The following MAP2K1 variants were observed in gnomAD, a reference collection of about 807,000 sequenced individuals.
The protein encoded by MAP2K1 is mitogen-activated protein kinase kinase 1, also known as dual specificity mitogen-activated protein kinase kinase 1.
MAP2K1 carries 16 observed loss-of-function variants against 46.3 expected under a neutral mutation model. That is an observed-to-expected ratio of 0.35 (90% confidence interval 0.23 to 0.52). The LOEUF is 0.52. Ranked by LOEUF, MAP2K1 falls within the 20% of genes least tolerant of loss-of-function variation. MAP2K1 has a pLI of 0.94. For missense variants in MAP2K1, 263 were observed against 497.1 expected, an observed-to-expected ratio of 0.53 and a Z score of 4.48; for synonymous variants, 183 against 185.6, an observed-to-expected ratio of 0.99 and a Z score of 0.11.
chr15:66,412,837 C>T (rs12594078), intron 1 of MAP2K1, among the ~76,000 whole-genome samples: 44,949 of 151,734 alleles, frequency 0.3, 7,001 homozygotes, highest in South Asian at 0.37. Flanking sequence ...GGACTACAGG[C>T]GCATGCCACT....
chr15:66,430,102 G>A (rs2093471512), intron 1 of MAP2K1, among the ~76,000 whole-genome samples: 1 of 152,268 alleles, frequency 6.6e-6, no homozygotes, highest in Admixed American at 6.5e-5. Context: ...TGGGTAAATA[G>A]GGGTAGAAGG....
At chr15:66,409,446 T>C (rs938413314) in intron 1 of MAP2K1, among the ~76,000 whole-genome samples, 4 of 152,136 alleles carry the variant, frequency 2.6e-5, no homozygotes, top group Non-Finnish European at 4.4e-5. Context: ...TGCATACTTA[T>C]CCCTAGCAAA....
chr15:66,432,000 C>G (rs1375764097), intron 1 of MAP2K1, among the ~76,000 whole-genome samples: 1 of 152,132 alleles, frequency 6.6e-6, no homozygotes, highest in Non-Finnish European at 1.5e-5. Flanking sequence ...CCAGCTCCAC[C>G]CATGTTCCCG....
chr15:66,420,984 CACAT>C lies in MAP2K1; in HGVS notation c.81-14033_81-14030del, dbSNP rs201939083. On this transcript the variant is annotated intron_variant, in intron 1 of 10. Coordinates refer to ENST00000307102, the MANE Select transcript of MAP2K1 (RefSeq NM_002755.4). The stretch of plus-strand genomic sequence containing the variant: ...ATATATACACACACATACATACACA[CACAT>C]ACATACATATATACACGTGCATATA... Among the ~76,000 whole-genome samples, 515 of 130,412 alleles carry C rather than the reference CACAT, an allele frequency of 3.9e-3. 4 individuals are homozygous for C. Among genetic ancestry groups the C allele is most frequent in the African/African-American group, 0.014 (489 of 35,238 alleles). The allele number at this position is 130,412 out of a possible 152,430, so 85.6% of individuals were successfully genotyped here.
At position 66,436,845 on chromosome 15, in the gene MAP2K1, G is replaced by A. The variant is rs2140584096; in HGVS notation, c.391G>A (p.Gly131Ser). ...CTCTCCGTACATCGTGGGCTTCTAT[G>A]GTGCGTTCTACAGCGATGGCGAGAT... Reference protein sequence around the residue: ...CNSPYIVGFYGAFYSDGEISI... With the variant: ...CNSPYIVGFYSAFYSDGEISI... The change falls in exon 3 of 11, where the codon GGT (glycine) becomes AGT (serine). Residue 131 changes from glycine to serine, a missense_variant. Physicochemically the swap from Gly to Ser is moderately conservative, Grantham distance 56. This residue lies in a region of MAP2K1 where 103 missense variants were observed against 221.6 expected (regional missense o/e 0.46). Coordinates refer to ENST00000307102, the MANE Select transcript of MAP2K1 (RefSeq NM_002755.4). 6.2e-7 allele frequency: 1 copy of A among 1,614,174 alleles called. No individual in the cohort carries two copies. Among genetic ancestry groups the A allele is most frequent in the Non-Finnish European group, 8.5e-7 (1 of 1,180,020 alleles).
At position 66,489,473 on chromosome 15, in the gene MAP2K1, T is replaced by TA; in HGVS notation, c.1022+197_1022+198insA. 4.5e-6 allele frequency: 3 copies of TA among 671,964 alleles called. No homozygotes were observed. In the Admixed American group the frequency reaches 7.1e-5, roughly 16 times the overall value. The allele number at this position is 671,964 out of a possible 1,614,324, so 41.6% of individuals were successfully genotyped here. Reference sequence around the variant, plus strand: ...GTGGCATGTCTAACTACATCATGGATGTAGTAGCTGCTCCTTTTGGTACTT... The same window carrying TA: ...GTGGCATGTCTAACTACATCATGGATAGTAGTAGCTGCTCCTTTTGGTACTT... On this transcript the variant is annotated intron_variant, in intron 9 of 10. Transcript: ENST00000307102.
chr15:66,422,680 C>T (rs2093446501), intron 1 of MAP2K1, among the ~76,000 whole-genome samples: 1 of 152,084 alleles, frequency 6.6e-6, no homozygotes, highest in African/African-American at 2.4e-5. Context: ...AGCAGTTTGA[C>T]TATGATGTGT....
At chr15:66,484,088 TAG>T (rs1892979133) in intron 6 of MAP2K1, among the ~76,000 whole-genome samples, 1 of 151,406 alleles carries the variant, frequency 6.6e-6, no homozygotes, top group African/African-American at 2.4e-5. Flanking sequence ...TAATCCTAAG[TAG>T]AGTTTTCTTA....
intron 4 of MAP2K1, among the ~76,000 whole-genome samples, chr15:66,443,699 C>G (rs907597511): frequency 6.6e-6 from 1 of 151,958 alleles, no homozygotes; most frequent in South Asian, 2.1e-4. Flanking sequence ...GATGAGACCT[C>G]GCTTCTACAA....
At chr15:66,437,365 G>A (rs2093491051) in intron 3 of MAP2K1, among the ~76,000 whole-genome samples, 1 of 152,174 alleles carries the variant, frequency 6.6e-6, no homozygotes, top group African/African-American at 2.4e-5. Flanking sequence ...GGGCATTCAT[G>A]GGCTAATTAA....
At chr15:66,490,368 C>T (rs751264427) in intron 10 of MAP2K1, 134 bp from the exon 11 acceptor site, 8 of 766,092 alleles carry the variant, frequency 1.0e-5, no homozygotes, top group Non-Finnish European at 1.9e-5. Context: ...CACTGTTGCT[C>T]AGGGGCAGGT....
chr15:66,488,682 T>A (rs2140681872), intron 8 of MAP2K1: 1 of 190,202 alleles, frequency 5.3e-6, no homozygotes, highest in African/African-American at 2.4e-5. Flanking sequence ...TTATTAACTT[T>A]TCACTGCTTC....
At chr15:66,443,560 A>G (rs1215255021) in intron 4 of MAP2K1, among the ~76,000 whole-genome samples, 2 of 101,054 alleles carry the variant, frequency 2.0e-5, no homozygotes, top group African/African-American at 7.5e-5. Context: ...GACTTTCTTT[A>G]TATTAAAATC....
intron 1 of MAP2K1, among the ~76,000 whole-genome samples, chr15:66,424,791 C>CTTTT (rs58738231): frequency 1.1e-3 from 88 of 82,112 alleles, no homozygotes; most frequent in Non-Finnish European, 1.3e-3. Context: ...CAATCTCAAT[C>CTTTT]TTTTTTTTTT....
intron 10 of MAP2K1, 136 bp downstream of exon 10, chr15:66,489,899 A>G: frequency 2.5e-6 from 2 of 803,698 alleles, no homozygotes; most frequent in Non-Finnish European, 4.4e-6. Flanking sequence ...GCTGCAGAAT[A>G]CCAAACACCA....
chr15:66,434,678 C>A (rs1283868329), intron 1 of MAP2K1, among the ~76,000 whole-genome samples: 1 of 152,154 alleles, frequency 6.6e-6, no homozygotes, highest in African/African-American at 2.4e-5. Context: ...AGTAGTGGGG[C>A]TTTTTAAACT....
At chr15:66,460,606 A>G (rs1308498783) in intron 5 of MAP2K1, among the ~76,000 whole-genome samples, 1 of 152,178 alleles carries the variant, frequency 6.6e-6, no homozygotes, top group Non-Finnish European at 1.5e-5. Context: ...ATGTTCAGGA[A>G]GTGGATTTTA....
chr15:66,464,172 C>T (rs1317459828), intron 5 of MAP2K1, among the ~76,000 whole-genome samples: 2 of 152,120 alleles, frequency 1.3e-5, no homozygotes, highest in East Asian at 1.9e-4. Context: ...CAGGTTTCAT[C>T]GGATCTCTCG....
chr15:66,401,489 CAT>C (rs989335023), intron 1 of MAP2K1, among the ~76,000 whole-genome samples: 15 of 152,106 alleles, frequency 9.9e-5, no homozygotes, highest in African/African-American at 3.6e-4. Flanking sequence ...AGTTTAAACT[CAT>C]ATTTATTGAA....
Sources: allele counts gnomAD v4.1 joint callset (sites outside exome capture counted in the v4.1 genomes callset), GRCh38; gene constraint gnomAD v4.1.1; regional missense constraint gnomAD v4.1.1; transcripts MANE v1.5; gene names NCBI Gene and HGNC (gene_info 2026-07-23, HGNC 2026-07-21).